AGBL3: variants seen among roughly 807,000 people sequenced by gnomAD.
The protein encoded by AGBL3 is cytosolic carboxypeptidase 3.
In AGBL3, 68 loss-of-function variants were observed where a neutral mutation model predicts 94.5. The ratio of observed to expected loss-of-function variants is 0.72; its 90% CI spans 0.59 to 0.88. The LOEUF (loss-of-function observed/expected upper bound fraction) is 0.88, where lower values mean the gene tolerates loss of function less well. AGBL3 is among the 40% of genes least tolerant of loss of function. The pLI is 0.00. For synonymous variants in AGBL3, 354 were observed against 370.7 expected (o/e 0.95, Z 0.52); for missense variants, 934 against 1,103.8 (o/e 0.85, Z 2.18).
rs1177555742 is a variant in AGBL3 at position 135,034,234 on chromosome 7, A to T, written c.643A>T (p.Met215Leu). ...GTGGTACTATTTCCAAGTCACTAAT[A>T]TGCGAGCAGGAATAGTCTACAGATT... The part of the protein sequence containing the change: ...TQWYYFQVTN[M>L]RAGIVYRFTI... The change falls in exon 7 of 17, where the codon ATG (methionine) becomes TTG (leucine). Residue 215 changes from methionine (M) to leucine (L), a missense_variant. By Grantham distance (15) the Met-to-Leu change is conservative. This residue lies in a region of AGBL3 where 488 missense variants were observed against 563.6 expected (regional missense o/e 0.87). Coordinates refer to ENST00000436302, the MANE Select transcript of AGBL3 (RefSeq NM_178563.4). 1 of 1,551,712 alleles carries T rather than the reference A, an allele frequency of 6.4e-7. No homozygotes were observed. The highest frequency in any genetic ancestry group is 1.2e-5 in the South Asian group (1 of 84,064).
At chr7:135,035,843 T>C (rs1384941480) in intron 7 of AGBL3, among the ~76,000 whole-genome samples, 2 of 152,166 alleles carry the variant, frequency 1.3e-5, no homozygotes, top group African/African-American at 4.8e-5. Context: ...ATGTTTCATA[T>C]TTAAGAACTT....
At chr7:135,067,033 C>G (rs969776267) in intron 12 of AGBL3, among the ~76,000 whole-genome samples, 6 of 152,172 alleles carry the variant, frequency 3.9e-5, no homozygotes, top group African/African-American at 1.4e-4. Flanking sequence ...AGGTCACTCC[C>G]ACCCTAATAC....
At chr7:135,082,436 C>CT (rs1050645884) in intron 15 of AGBL3, among the ~76,000 whole-genome samples, 4 of 152,046 alleles carry the variant, frequency 2.6e-5, no homozygotes, top group African/African-American at 9.7e-5. Flanking sequence ...TTATTTTACT[C>CT]TTTTTTATTG....
intron 16 of AGBL3, among the ~76,000 whole-genome samples, chr7:135,132,909 A>G (rs1023605043): frequency 6.6e-6 from 1 of 152,218 alleles, no homozygotes; most frequent in African/African-American, 2.4e-5. Context: ...TCTATTGAAC[A>G]TTGTGCTAGA....
rs750695479 is a variant in AGBL3, at chr7:135,032,873, C to A, written c.448C>A (p.Arg150=). 1 of 1,549,932 alleles carries A rather than the reference C, an allele frequency of 6.5e-7. No individual in the cohort carries two copies. The highest frequency in any genetic ancestry group is 1.2e-5 in the South Asian group (1 of 83,736). Residue 150 remains arginine, a synonymous_variant, in exon 6 of 17, where the codon CGA becomes AGA. Transcript: ENST00000436302. ...CAAAGAGCCCTGTTTTGTGTATTCC[C>A]GAGTTGGGGGTAACCGAACACCTTT... ...AYKEPCFVYS[R]VGGNRTPLKQ... is the part of the protein sequence containing the mutation.
intron 16 of AGBL3, among the ~76,000 whole-genome samples, chr7:135,117,643 A>G (rs1826515797): frequency 6.6e-6 from 1 of 152,246 alleles, no homozygotes; most frequent in Non-Finnish European, 1.5e-5. Context: ...TAAGAAAAAC[A>G]ACAACAACAA....
intron 13 of AGBL3, among the ~76,000 whole-genome samples, chr7:135,076,976 G>A (rs1184956554): frequency 6.6e-6 from 1 of 152,142 alleles, no homozygotes; most frequent in South Asian, 2.1e-4. Context: ...ATTCAAGAAA[G>A]TCTACTAAAA....
chr7:135,052,134 A>G (rs778655760), intron 11 of AGBL3, among the ~76,000 whole-genome samples: 12 of 152,146 alleles, frequency 7.9e-5, no homozygotes, highest in Non-Finnish European at 1.8e-4. Flanking sequence ...TCCATGGGTA[A>G]CCATTTTCAT....
At chr7:135,066,800 C>A (rs1819351609) in intron 12 of AGBL3, among the ~76,000 whole-genome samples, 1 of 152,144 alleles carries the variant, frequency 6.6e-6, no homozygotes, top group African/African-American at 2.4e-5. Context: ...GTCTACAGTT[C>A]CCAGTGTGAG....
chr7:135,085,729 C>T lies in AGBL3; in HGVS notation c.2110+3939C>T, dbSNP rs147899494. Among the ~76,000 whole-genome samples the T allele has an allele frequency of 2.9e-3, 444 of 152,038 alleles. 3 individuals are homozygous for T. Among genetic ancestry groups the T allele is most frequent in the Non-Finnish European group, 4.4e-3 (299 of 67,910 alleles). On this transcript the variant is annotated intron_variant, in intron 15 of 16. Coordinates refer to ENST00000436302, the MANE Select transcript of AGBL3 (RefSeq NM_178563.4). ...ACATATCTGTTTTTATGTTTTTAAC[C>T]ATTCTGGTTTGATTACTATTGCCTT...
rs749210996 is a variant in AGBL3, at chr7:135,018,481, G to A, written c.418+1322G>A. ...AGAGTAGAGGATAGATCTGTAGGTA[G>A]AAACAGAATATCCATCTCAATCAAC... On this transcript the variant is annotated intron_variant, in intron 5 of 16. Transcript: ENST00000436302. Among the ~76,000 whole-genome samples, 97 of 152,182 alleles carry A rather than the reference G, an allele frequency of 6.4e-4. 1 individual carries two copies. Among genetic ancestry groups the A allele is most frequent in the Non-Finnish European group, 1.8e-4 (12 of 68,034 alleles).
At chr7:135,075,778 CA>C (rs1820387461) in intron 12 of AGBL3, among the ~76,000 whole-genome samples, 1 of 152,192 alleles carries the variant, frequency 6.6e-6, no homozygotes, top group Admixed American at 6.5e-5. Flanking sequence ...GCCATTCTGA[CA>C]AGTGCGTTAT....
In AGBL3 at chr7:135,037,458, C is replaced by T; in HGVS notation, c.1378C>T (p.His460Tyr). The T allele has an allele frequency of 6.5e-7, 1 of 1,549,862 alleles. No individual in the cohort carries two copies. Among genetic ancestry groups the T allele is most frequent in the East Asian group, 2.5e-5 (1 of 40,654 alleles). Reference protein sequence around the residue: ...KREVILYCDLHGHSRKENIFM... With the variant: ...KREVILYCDLYGHSRKENIFM... ...AGAGGTTATTTTATACTGTGATCTTCATGGCCATAGTAGGAAAGAGAACAT... is the reference window on the plus strand; with the variant it reads ...AGAGGTTATTTTATACTGTGATCTTTATGGCCATAGTAGGAAAGAGAACAT... The change falls in exon 8 of 17, where the codon CAT becomes TAT. Residue 460 changes from histidine to tyrosine, a missense_variant. Around this residue, in one of 3 missense-constraint regions of AGBL3, gnomAD observed 5 missense variants for 22.1 expected, o/e 0.23. Transcript: ENST00000436302.
rs201222869 is a variant in AGBL3, at chr7:135,088,663, AT to A, written c.2110+6881del. On this transcript the variant is annotated intron_variant, in intron 15 of 16. Transcript: ENST00000436302. ...CTGGGTCTCATATTCTTGACTGGCA[AT>A]TTTTTTTCATTCTGCACTTTGAATT... 7.1e-3 allele frequency among the ~76,000 whole-genome samples: 1,073 copies of A among 151,926 alleles called. 15 individuals are homozygous for A. Among genetic ancestry groups the A allele is most frequent in the African/African-American group, 0.025 (1,022 of 41,426 alleles).
At chr7:135,120,759 T>C (rs982601936) in intron 16 of AGBL3, among the ~76,000 whole-genome samples, 1 of 152,204 alleles carries the variant, frequency 6.6e-6, no homozygotes, top group African/African-American at 2.4e-5. Flanking sequence ...AGATACATCA[T>C]GCAAACATTA....
At chr7:135,102,392 T>TA (rs967645897) in intron 15 of AGBL3, among the ~76,000 whole-genome samples, 2 of 152,280 alleles carry the variant, frequency 1.3e-5, no homozygotes, top group South Asian at 2.1e-4. Context: ...CATTAATTCT[T>TA]AAAAAATGTT....
intron 8 of AGBL3, among the ~76,000 whole-genome samples, chr7:135,041,481 G>T (rs1229109663): frequency 6.6e-6 from 1 of 152,126 alleles, no homozygotes; most frequent in African/African-American, 2.4e-5. Flanking sequence ...TTTGACAAAG[G>T]TGCACAGGAA....
intron 16 of AGBL3, chr7:135,128,706 A>G (rs1828306397): frequency 5.1e-6 from 7 of 1,362,936 alleles, no homozygotes; most frequent in African/African-American, 4.3e-5. Context: ...TGAGCTCAAG[A>G]TTGATTCTCA....
intron 5 of AGBL3, among the ~76,000 whole-genome samples, chr7:135,024,937 T>A (rs1814926918): frequency 6.6e-6 from 1 of 151,420 alleles, no homozygotes; most frequent in Admixed American, 6.6e-5. Context: ...ATAATTTTTT[T>A]AATGAACAAA....
Sources: allele counts gnomAD v4.1 joint callset (sites outside exome capture counted in the v4.1 genomes callset), GRCh38; gene constraint gnomAD v4.1.1; regional missense constraint gnomAD v4.1.1; transcripts MANE v1.5; gene names NCBI Gene and HGNC (gene_info 2026-07-23, HGNC 2026-07-21).